TNRC18: variants seen among roughly 807,000 people sequenced by gnomAD.
TNRC18 encodes trinucleotide repeat-containing gene 18 protein.
Under a neutral mutation model 226.7 loss-of-function variants are expected in TNRC18, and 69 were observed. That is an observed-to-expected ratio of 0.30 (90% confidence interval 0.25 to 0.37). The LOEUF is 0.37. TNRC18 is among the 10% of genes least tolerant of loss of function. The probability of loss-of-function intolerance (pLI) is 1.00; values close to 1 mark genes in which losing one functional copy is unlikely to be tolerated. For synonymous variants in TNRC18, 2,449 were observed against 1,927.6 expected (o/e 1.27, Z -7.09); for missense variants, 4,754 against 4,256.6 (o/e 1.12, Z -3.25).
intron 2 of TNRC18, among the ~76,000 whole-genome samples, chr7:5,405,717 C>T (rs1428093836): frequency 3.3e-5 from 5 of 152,098 alleles, no homozygotes; most frequent in Non-Finnish European, 7.3e-5. Context: ...CACTCCAAGC[C>T]TGGGCAACAG....
chr7:5,320,687 C>T (rs1328613045), intron 22 of TNRC18, 80 bp from the exon 23 acceptor site: 3 of 1,211,642 alleles, frequency 2.5e-6, no homozygotes, highest in Non-Finnish European at 3.5e-6. Flanking sequence ...ACAGCACTGC[C>T]TCCTAGACCA....
At chr7:5,420,735 C>A in intron 2 of TNRC18, 1 of 584,780 alleles carries the variant, frequency 1.7e-6, no homozygotes, top group Non-Finnish European at 3.2e-6. Context: ...TCTTTTCTCG[C>A]CCAGATTTTG....
intron 1 of TNRC18, among the ~76,000 whole-genome samples, chr7:5,422,446 T>G (rs543113269): frequency 1.4e-3 from 208 of 151,470 alleles, no homozygotes; most frequent in African/African-American, 4.9e-3. Context: ...AGGTTAAAGC[T>G]GTTTGTTTAA....
At position 5,389,144 on chromosome 7, in the gene TNRC18, G is replaced by A. The variant is rs1780074996; in HGVS notation, c.680C>T (p.Ala227Val). The A allele has an allele frequency of 3.0e-6, 4 of 1,322,038 alleles. No individual in the cohort carries two copies. The East Asian group carries it at 1.5e-4, about 48-fold the overall frequency. The allele number at this position is 1,322,038 out of a possible 1,614,324, so 81.9% of individuals were successfully genotyped here. A position where few individuals can be genotyped will look rare whatever the true frequency, so the allele number is the denominator to read the frequency against. The change falls in exon 5 of 30, where the codon GCC (alanine) becomes GTC (valine). Residue 227 changes from alanine to valine, a missense_variant. Physicochemically the swap from Ala to Val is moderately conservative, Grantham distance 64 (BLOSUM62 0). Coordinates refer to ENST00000430969, the MANE Select transcript of TNRC18 (RefSeq NM_001080495.3). Reference sequence around the variant, plus strand: ...TGGCCCCGAGGCCTCCTCGCCCCGGGCGCGCGGGTCCTTCTTGCCGAAAAG... The same window carrying A: ...TGGCCCCGAGGCCTCCTCGCCCCGGACGCGCGGGTCCTTCTTGCCGAAAAG... ...PPLFGKKDPR[A>V]RGEEASGPRG...
At chr7:5,395,584 C>T (rs1229082966) in intron 2 of TNRC18, among the ~76,000 whole-genome samples, 1 of 152,246 alleles carries the variant, frequency 6.6e-6, no homozygotes, top group African/African-American at 2.4e-5. Context: ...AGCATGCAGG[C>T]CCTGGCGCAC....
At position 5,416,965 on chromosome 7, in the gene TNRC18, G is replaced by C. The variant is rs1300147545; in HGVS notation, c.187+4095C>G. ...AATACTGCACTCATCCTGGTTGACA[G>C]AGTAAAACCCTGTCTCTTAAAAAAA... On this transcript the variant is annotated intron_variant, in intron 2 of 29. Transcript: ENST00000430969. Among the ~76,000 whole-genome samples, 12 of 145,506 alleles carry C rather than the reference G, an allele frequency of 8.2e-5. No individual in the cohort carries two copies. The Admixed American group carries it at 8.3e-4, about 10-fold the overall frequency.
intron 2 of TNRC18, among the ~76,000 whole-genome samples, chr7:5,408,298 C>CA (rs55756995): frequency 0.028 from 2,037 of 72,322 alleles, 34 homozygotes; most frequent in African/African-American, 0.043. Flanking sequence ...ACTTCCGTCT[C>CA]AAAAAAAAAA....
intron 14 of TNRC18, 41 bp from the exon 15 acceptor site, chr7:5,359,610 C>A (rs928584688): frequency 6.2e-7 from 1 of 1,610,518 alleles, no homozygotes; most frequent in Non-Finnish European, 8.5e-7. Flanking sequence ...CCTGGCCAGA[C>A]AAGGCTCGCA....
Position 5,362,007 on chromosome 7 carries a change from C to T in TNRC18, c.4422G>A (p.Glu1474=), listed in dbSNP as rs1476423088. ...ERMYAMKSSL[E]DMDALELDFR... ...AGTCCAGCTCCAGGGCGTCCATGTC[C>T]TCCAGGGAGGACTTCATGGCATACA... The change falls in exon 13 of 30, where the codon GAG becomes GAA. Residue 1474 remains glutamate (E), a synonymous_variant. Transcript: ENST00000430969. The T allele has an allele frequency of 1.2e-6, 2 of 1,613,502 alleles. No homozygotes were observed. The highest frequency in any genetic ancestry group is 1.7e-6 in the Non-Finnish European group (2 of 1,179,784).
At chr7:5,414,801 C>G (rs949103227) in intron 2 of TNRC18, among the ~76,000 whole-genome samples, 1 of 152,208 alleles carries the variant, frequency 6.6e-6, no homozygotes, top group Non-Finnish European at 1.5e-5. Context: ...TAACAGTGAT[C>G]TGATACTATC....
chr7:5,364,462 A>AACACACACAC lies in TNRC18; in HGVS notation c.4220-1647_4220-1638dup, dbSNP rs58752853. On this transcript the variant is annotated intron_variant, in intron 11 of 29. Transcript: ENST00000430969. ...AACAGAGCGAGCCTGTCTCAAAGAA[A>AACACACACAC]ACACACACACACACACACACACACA... is the stretch of plus-strand genomic sequence containing the variant. Among the ~76,000 whole-genome samples the AACACACACAC allele has an allele frequency of 8.0e-3, 935 of 116,612 alleles. 5 individuals carry two copies. The highest frequency in any genetic ancestry group is 9.1e-3 in the Non-Finnish European group (507 of 55,572). The allele number at this position is 116,612 out of a possible 152,430, so 76.5% of individuals were successfully genotyped here.
intron 25 of TNRC18, among the ~76,000 whole-genome samples, 198 bp from the exon 26 acceptor site, chr7:5,315,346 C>T (rs547958789): frequency 3.9e-5 from 6 of 152,118 alleles, no homozygotes; most frequent in South Asian, 4.2e-4. Flanking sequence ...CAGAGGCTCC[C>T]GAATAATGAA....
At chr7:5,380,173 G>A (rs965600812) in intron 5 of TNRC18, among the ~76,000 whole-genome samples, 17 of 152,140 alleles carry the variant, frequency 1.1e-4, no homozygotes, top group African/African-American at 3.6e-4. Context: ...AGGCCCGACA[G>A]AATGGCTCAC....
chr7:5,348,828 A>C (rs1464510351), intron 17 of TNRC18, among the ~76,000 whole-genome samples: 2 of 152,162 alleles, frequency 1.3e-5, no homozygotes, highest in African/African-American at 4.8e-5. Flanking sequence ...TGCAGGCGTC[A>C]CATGGCTCTG....
rs749965452 is a variant in TNRC18 at position 5,317,371 on chromosome 7, C to T, written c.6746-1299G>A. On this transcript the variant is annotated intron_variant, in intron 24 of 29. Coordinates refer to ENST00000430969, the MANE Select transcript of TNRC18 (RefSeq NM_001080495.3). ...TTGGGAGGCTGAGAGAAGCAGATCA[C>T]CTGAGGTCACGAGTTCGAGGCCAGT... Among the ~76,000 whole-genome samples the T allele has an allele frequency of 7.9e-5, 12 of 152,252 alleles. No individual in the cohort carries two copies. The South Asian group carries it at 1.0e-3, about 13-fold the overall frequency.
Position 5,394,870 on chromosome 7 carries a change from C to G in TNRC18, c.188-275G>C, listed in dbSNP as rs576175363. 6.6e-6 allele frequency among the ~76,000 whole-genome samples: 1 copy of G among 152,124 alleles called. No homozygotes were observed. The highest frequency in any genetic ancestry group is 6.5e-5 in the Admixed American group (1 of 15,270). On this transcript the variant is annotated intron_variant, in intron 2 of 29. Coordinates refer to ENST00000430969, the MANE Select transcript of TNRC18 (RefSeq NM_001080495.3). The surrounding 1 kb of genome is among the most constrained non-coding windows in gnomAD (Gnocchi z 4.5). ...ACCCTCAGCCCTGGGCACCCCGCAC[C>G]CTCGGAGGAGGGCCTTCCACCCCTG...
At chr7:5,417,568 A>C (rs1261914120) in intron 2 of TNRC18, among the ~76,000 whole-genome samples, 3 of 152,250 alleles carry the variant, frequency 2.0e-5, no homozygotes, top group Non-Finnish European at 4.4e-5. Flanking sequence ...ATGAGGGCAG[A>C]GACTTCTGTC....
Position 5,324,247 on chromosome 7 carries a change from G to C in TNRC18, c.6409C>G (p.Arg2137Gly). ...AGCGGCCGCTCCACAGCCCCGCCAC[G>C]CGGCAGGTGCTCGTCCTCAGAGAAG... Reference protein sequence around the residue: ...SSFSEDEHLPRGGAVERPLTP... With the variant: ...SSFSEDEHLPGGGAVERPLTP... The change falls in exon 21 of 30, where the codon CGT becomes GGT. Residue 2137 changes from arginine (R) to glycine (G), a missense_variant. Coordinates refer to ENST00000430969, the MANE Select transcript of TNRC18 (RefSeq NM_001080495.3). The surrounding 1 kb of genome is among the most constrained non-coding windows in gnomAD (Gnocchi z 4.8). The C allele has an allele frequency of 1.2e-6, 2 of 1,611,364 alleles. No homozygotes were observed. The highest frequency in any genetic ancestry group is 1.7e-6 in the Non-Finnish European group (2 of 1,179,284).
At chr7:5,347,350 CTAA>C (rs1241673678) in intron 17 of TNRC18, among the ~76,000 whole-genome samples, 1 of 145,192 alleles carries the variant, frequency 6.9e-6, no homozygotes, top group East Asian at 2.1e-4. Flanking sequence ...CCACACCAGG[CTAA>C]TTTTTTTTTT....
Sources: allele counts gnomAD v4.1 joint callset (sites outside exome capture counted in the v4.1 genomes callset), GRCh38; gene constraint gnomAD v4.1.1; non-coding constraint Gnocchi (gnomAD v3.1); transcripts MANE v1.5; gene names NCBI Gene and HGNC (gene_info 2026-07-23, HGNC 2026-07-21).